Variants in DNAH6 observed in about 807,000 individuals in gnomAD.
DNAH6 encodes the protein axonemal beta dynein heavy chain 6.
In DNAH6, 340 loss-of-function variants were observed where a neutral mutation model predicts 491.4. That is an observed-to-expected ratio of 0.69 (90% CI 0.63 to 0.76). DNAH6 has a LOEUF of 0.76. Among genes scored for constraint, DNAH6 ranks in the 30% least tolerant of loss-of-function variants. The pLI, the probability that DNAH6 is intolerant of heterozygous loss-of-function variation, is 0.00. For missense variants in DNAH6, 4,443 were observed against 4,972.2 expected (o/e 0.89, Z 3.20); for synonymous variants, 1,603 against 1,686.1 (o/e 0.95, Z 1.21).
At chr2:84,512,532 C>T (rs1470779708), upstream of DNAH6, among the ~76,000 whole-genome samples, 1 of 152,188 alleles carries the variant, frequency 6.6e-6, no homozygotes, top group East Asian at 1.9e-4. Flanking sequence ...GATTAATTTT[C>T]CAACATATGA....
chr2:84,588,727 G>A, intron 15 of DNAH6, 99 bp from the exon 16 acceptor site: 1 of 1,130,600 alleles, frequency 8.8e-7, no homozygotes, highest in African/African-American at 1.6e-5. Flanking sequence ...AAAGAAAAGA[G>A]AAAGGAATCT....
intron 42 of DNAH6, among the ~76,000 whole-genome samples, chr2:84,682,300 C>T (rs186675047): frequency 1.3e-5 from 2 of 152,374 alleles, no homozygotes; most frequent in East Asian, 1.9e-4. Flanking sequence ...CCAGGGCAGG[C>T]TCTCCTGGGG....
rs1216828459 is a variant in DNAH6, at chr2:84,584,419, C to T, written c.2481+169C>T. ...TTGTTAATCAAGCTAATTAATGTGT[C>T]CATCACGTCACATACATCATTTTTT... is the stretch of plus-strand genomic sequence containing the variant. On this transcript the variant is annotated intron_variant, in intron 15 of 76. Transcript: ENST00000389394. The T allele has an allele frequency of 3.4e-5, 23 of 685,374 alleles. No individual in the cohort carries two copies. The South Asian group carries it at 3.5e-4, about 10-fold the overall frequency. The allele number at this position is 685,374 out of a possible 1,614,324, so 42.5% of individuals were successfully genotyped here. A position where few individuals can be genotyped will look rare whatever the true frequency, so the allele number is the denominator to read the frequency against.
intron 58 of DNAH6, among the ~76,000 whole-genome samples, chr2:84,716,104 T>A: frequency 6.7e-6 from 1 of 150,064 alleles, no homozygotes; most frequent in South Asian, 2.1e-4. Context: ...TATGTATATA[T>A]GTGTGTATAT....
chr2:84,528,303 ACT>A (rs1676794770), intron 3 of DNAH6, among the ~76,000 whole-genome samples: 1 of 152,098 alleles, frequency 6.6e-6, no homozygotes, highest in Non-Finnish European at 1.5e-5. Flanking sequence ...TTAATAAGAA[ACT>A]CTGGTAATTC....
intron 60 of DNAH6, among the ~76,000 whole-genome samples, chr2:84,723,088 C>T (rs372896181): frequency 9.2e-5 from 14 of 151,986 alleles, no homozygotes; most frequent in African/African-American, 1.5e-4. Context: ...ATTAGCCAGG[C>T]GTGGTGGCAG....
chr2:84,795,193 G>C (rs956235283), intron 68 of DNAH6, among the ~76,000 whole-genome samples: 6 of 148,652 alleles, frequency 4.0e-5, no homozygotes, highest in Non-Finnish European at 7.4e-5. Context: ...GGGAGGGATA[G>C]CATTAGGAGA....
intron 32 of DNAH6, among the ~76,000 whole-genome samples, chr2:84,641,577 G>T (rs538563228): frequency 4.3e-4 from 65 of 152,164 alleles, no homozygotes; most frequent in African/African-American, 1.6e-3. Context: ...GAGTCACTGG[G>T]CTGGGTTTCG....
At chr2:84,649,803 A>G (rs1189165303) in intron 33 of DNAH6, among the ~76,000 whole-genome samples, 1 of 152,104 alleles carries the variant, frequency 6.6e-6, no homozygotes, top group African/African-American at 2.4e-5. Context: ...AAAACCAAAC[A>G]CCACATGTTC....
upstream of DNAH6, chr2:84,516,471 G>C (rs1240635672): frequency 3.3e-5 from 5 of 152,206 alleles, no homozygotes; most frequent in Non-Finnish European, 7.3e-5. Flanking sequence ...GTAGAGGCCA[G>C]CTGGTTGCTA....
At position 84,733,463 on chromosome 2, in the gene DNAH6, A is replaced by C. The variant is rs753074233; in HGVS notation, c.10226A>C (p.Glu3409Ala). 1 of 1,551,068 alleles carries C rather than the reference A, an allele frequency of 6.4e-7. No homozygotes were observed. Reference sequence around the variant, plus strand: ...AAACAGGAACGCCCACCTAAGCCTGAAGCTCCCTGGCTACCTACTGCTACA... The same window carrying C: ...AAACAGGAACGCCCACCTAAGCCTGCAGCTCCCTGGCTACCTACTGCTACA... ...GLEKERPPKPEAPWLPTATWF... is the reference protein window; with the variant it reads ...GLEKERPPKPAAPWLPTATWF... The change falls in exon 62 of 77, where the codon GAA becomes GCA. Residue 3409 changes from glutamate (E) to alanine (A), a missense_variant. By Grantham distance (107) the Glu-to-Ala change is moderately radical. Coordinates refer to ENST00000389394, the MANE Select transcript of DNAH6 (RefSeq NM_001370.2).
chr2:84,694,366 G>C lies in DNAH6; in HGVS notation c.7410G>C (p.Gln2470His). The C allele has an allele frequency of 1.3e-6, 2 of 1,552,414 alleles. No individual in the cohort carries two copies. The stretch of plus-strand genomic sequence containing the variant: ...ATATATGCGGTTACAAATGTTTGCA[G>C]ATTGAACTCAGCCGGGGATATAATT... ...AAHICGYKCL[Q>H]IELSRGYNYD... Residue 2470 changes from glutamine to histidine, a missense_variant, in exon 46 of 77, where the codon CAG (glutamine) becomes CAC (histidine). Gln to His is a conservative substitution (Grantham distance 24). This residue lies in a region of DNAH6 where 2,977 missense variants were observed against 3,296.6 expected (regional missense o/e 0.90). Coordinates refer to ENST00000389394, the MANE Select transcript of DNAH6 (RefSeq NM_001370.2).
At chr2:84,625,527 A>G (rs761570629) in intron 29 of DNAH6, among the ~76,000 whole-genome samples, 1 of 152,176 alleles carries the variant, frequency 6.6e-6, no homozygotes, top group Non-Finnish European at 1.5e-5. Flanking sequence ...CTTAAAAATT[A>G]TTGAGACTTC....
intron 15 of DNAH6, among the ~76,000 whole-genome samples, chr2:84,588,333 G>C (rs1197272355): frequency 6.6e-6 from 1 of 152,178 alleles, no homozygotes; most frequent in East Asian, 1.9e-4. Context: ...CTTTGCTCCT[G>C]AACTATTCCA....
rs564870662 is a variant in DNAH6, at chr2:84,761,064, A to AC, written c.10513-1689dup. 1.4e-3 allele frequency among the ~76,000 whole-genome samples: 213 copies of AC among 152,362 alleles called. 1 individual carries two copies. The highest frequency in any genetic ancestry group is 4.9e-3 in the African/African-American group (203 of 41,586). On this transcript the variant is annotated intron_variant, in intron 63 of 76. Coordinates refer to ENST00000389394, the MANE Select transcript of DNAH6 (RefSeq NM_001370.2). Reference sequence around the variant, plus strand: ...TCACAGTAGCAAAGACATGGAATCGACCTACATGTCCATCAATGGATGACT... The same window carrying AC: ...TCACAGTAGCAAAGACATGGAATCGACCCTACATGTCCATCAATGGATGACT...
chr2:84,814,258 T>G, intron 75 of DNAH6, 136 bp downstream of exon 75: 1 of 831,914 alleles, frequency 1.2e-6, no homozygotes, highest in Non-Finnish European at 1.8e-6. Flanking sequence ...TAATCACACC[T>G]CCAAGATAAG....
the DNAH6 span, among the ~76,000 whole-genome samples, chr2:84,492,400 C>G: frequency 2.0e-5 from 3 of 152,254 alleles, no homozygotes; most frequent in Admixed American, 1.3e-4. Context: ...AACCAACCCC[C>G]TTGTTTCAAC....
At chr2:84,790,053 A>T (rs1165727166) in intron 68 of DNAH6, among the ~76,000 whole-genome samples, 5 of 152,168 alleles carry the variant, frequency 3.3e-5, no homozygotes, top group South Asian at 2.1e-4. Flanking sequence ...TATATTTTTT[A>T]AAAAAAGAAT....
At chr2:84,654,172 G>T (rs1020643950) in intron 34 of DNAH6, among the ~76,000 whole-genome samples, 1 of 151,998 alleles carries the variant, frequency 6.6e-6, no homozygotes, top group Non-Finnish European at 1.5e-5. Flanking sequence ...CATTTGAAAT[G>T]CATTTTAAAT....
Sources: allele counts gnomAD v4.1 joint callset (sites outside exome capture counted in the v4.1 genomes callset), GRCh38; gene constraint gnomAD v4.1.1; regional missense constraint gnomAD v4.1.1; transcripts MANE v1.5; gene names NCBI Gene and HGNC (gene_info 2026-07-23, HGNC 2026-07-21).